The following PDS5B variants were observed in gnomAD, a reference collection of about 807,000 sequenced individuals.
PDS5B encodes the protein PDS5 cohesin associated factor B.
PDS5B carries 51 observed loss-of-function variants against 184.1 expected under a neutral mutation model. The ratio of observed to expected loss-of-function variants is 0.28; its 90% CI spans 0.22 to 0.35. The LOEUF (loss-of-function observed/expected upper bound fraction) is 0.35, where lower values mean the gene tolerates loss of function less well. Among genes scored for constraint, PDS5B ranks in the 10% least tolerant of loss-of-function variants. PDS5B has a pLI of 1.00. For missense variants in PDS5B, 1,180 were observed against 1,723.3 expected, an observed-to-expected ratio of 0.68 and a Z score of 5.58; for synonymous variants, 566 against 569.2, an observed-to-expected ratio of 0.99 and a Z score of 0.08.
Position 32,590,976 on chromosome 13 carries a change from A to T in PDS5B, c.-20+4383A>T, listed in dbSNP as rs191515627. On this transcript the variant is annotated intron_variant, in intron 1 of 34. Transcript: ENST00000315596. Reference sequence around the variant, plus strand: ...ACAGGTATATGGTAAAAAAAAAAAAAATTTAATGATAGAGTAAAAAATGTT... The same window carrying T: ...ACAGGTATATGGTAAAAAAAAAAAATATTTAATGATAGAGTAAAAAATGTT... Among the ~76,000 whole-genome samples, 594 of 151,982 alleles carry T rather than the reference A, an allele frequency of 3.9e-3. 4 individuals carry two copies. Among genetic ancestry groups the T allele is most frequent in the African/African-American group, 0.014 (566 of 41,440 alleles).
intron 6 of PDS5B, among the ~76,000 whole-genome samples, chr13:32,665,096 T>C (rs1950749273): frequency 6.6e-6 from 1 of 152,068 alleles, no homozygotes; most frequent in African/African-American, 2.4e-5. Flanking sequence ...AAGGCATCCT[T>C]ATGTAGAAGC....
At chr13:32,597,510 C>CA (rs1162737370) in intron 1 of PDS5B, among the ~76,000 whole-genome samples, 2 of 151,116 alleles carry the variant, frequency 1.3e-5, no homozygotes, top group African/African-American at 4.9e-5. Context: ...CTGGGTAACA[C>CA]AGAGAGATCC....
At chr13:32,744,808 A>G (rs1445546452) in intron 23 of PDS5B, among the ~76,000 whole-genome samples, 1 of 152,192 alleles carries the variant, frequency 6.6e-6, no homozygotes. Context: ...CATCCAGTCA[A>G]TATTTTTACA....
chr13:32,765,690 G>A (rs944324230), intron 31 of PDS5B, among the ~76,000 whole-genome samples: 10 of 152,154 alleles, frequency 6.6e-5, no homozygotes, highest in Non-Finnish European at 1.2e-4. Flanking sequence ...TGCAACCTCC[G>A]CTTCCCGGGT....
chr13:32,767,607 A>AT (rs1329316410), intron 31 of PDS5B, among the ~76,000 whole-genome samples: 1 of 152,168 alleles, frequency 6.6e-6, no homozygotes, highest in Non-Finnish European at 1.5e-5. Context: ...TGATTGACAG[A>AT]TTCATAGATT....
Position 32,648,384 on chromosome 13 carries a change from G to A in PDS5B, c.-19-370G>A, listed in dbSNP as rs546158165. ...GAGTATAAGTAGCTATAATGTCCCAGTGTTCCCACTTACTTCCCTGGATTC... is the reference window on the plus strand; with the variant it reads ...GAGTATAAGTAGCTATAATGTCCCAATGTTCCCACTTACTTCCCTGGATTC... On this transcript the variant is annotated intron_variant, in intron 1 of 34. Transcript: ENST00000315596. 3.3e-5 allele frequency among the ~76,000 whole-genome samples: 5 copies of A among 152,280 alleles called. No individual in the cohort carries two copies. The South Asian group carries it at 6.2e-4, about 19-fold the overall frequency.
rs1954956999 is a variant in PDS5B at position 32,776,346 on chromosome 13, C to G, written c.*1294C>G. ...TATCAGCTACTGTAGTTGTCACAGT[C>G]TTGTGAACTTTGAATGAAATTCCAC... On this transcript the variant is annotated 3_prime_UTR_variant, in exon 35 of 35. Coordinates refer to ENST00000315596, the MANE Select transcript of PDS5B (RefSeq NM_015032.4). 6.6e-6 allele frequency: 1 copy of G among 152,356 alleles called. No individual in the cohort carries two copies. Among genetic ancestry groups the G allele is most frequent in the African/African-American group, 2.4e-5 (1 of 41,402 alleles). The allele number at this position is 152,356 out of a possible 1,614,324, so 9.4% of individuals were successfully genotyped here.
intron 1 of PDS5B, among the ~76,000 whole-genome samples, chr13:32,623,484 TATC>T (rs2058329539): frequency 7.0e-6 from 1 of 142,964 alleles, no homozygotes; most frequent in Admixed American, 7.0e-5. Flanking sequence ...AAGGGACTAT[TATC>T]CTCCTTGCTT....
intron 19 of PDS5B, among the ~76,000 whole-genome samples, chr13:32,716,779 T>C (rs1593498333): frequency 8.9e-6 from 1 of 112,808 alleles, no homozygotes; most frequent in Non-Finnish European, 2.0e-5. Flanking sequence ...AGCCGCCCCG[T>C]CCGGGAGGGA....
At chr13:32,759,852 A>G (rs1054598084) in intron 29 of PDS5B, among the ~76,000 whole-genome samples, 162 bp downstream of exon 29, 25 of 152,224 alleles carry the variant, frequency 1.6e-4, no homozygotes, top group African/African-American at 5.8e-4. Flanking sequence ...AATTATATTT[A>G]CTAGATATAC....
chr13:32,610,333 T>A (rs1198937590), intron 1 of PDS5B, among the ~76,000 whole-genome samples: 1 of 152,240 alleles, frequency 6.6e-6, no homozygotes, highest in Non-Finnish European at 1.5e-5. Flanking sequence ...GTTCTAATTC[T>A]AATGATATTC....
At chr13:32,756,909 G>A (rs1003680354) in intron 26 of PDS5B, among the ~76,000 whole-genome samples, 1 of 151,996 alleles carries the variant, frequency 6.6e-6, no homozygotes, top group African/African-American at 2.4e-5. Flanking sequence ...GCTCACCTGA[G>A]GTCAGGAGTT....
chr13:32,647,859 T>C (rs996343919), intron 1 of PDS5B, among the ~76,000 whole-genome samples: 1 of 152,208 alleles, frequency 6.6e-6, no homozygotes, highest in African/African-American at 2.4e-5. Context: ...TTTGACTTGA[T>C]ACTTGCTCAT....
At chr13:32,649,455 A>G (rs963298763) in intron 2 of PDS5B, 4 of 152,222 alleles carry the variant, frequency 2.6e-5, no homozygotes, top group Admixed American at 6.5e-5. Flanking sequence ...ATGGATAAAG[A>G]AGCATAGTGT....
intron 21 of PDS5B, 151 bp downstream of exon 21, chr13:32,735,481 C>T: frequency 1.7e-6 from 1 of 576,728 alleles, no homozygotes; most frequent in East Asian, 2.9e-5. Flanking sequence ...GCCTTGTCTC[C>T]ATTATAAGCA....
At chr13:32,759,136 C>T (rs1206206117) in intron 28 of PDS5B, among the ~76,000 whole-genome samples, 2 of 152,138 alleles carry the variant, frequency 1.3e-5, no homozygotes, top group Non-Finnish European at 2.9e-5. Flanking sequence ...CCTCTTACTC[C>T]TTTATAATTT....
At position 32,777,620 on chromosome 13, in the gene PDS5B, A is replaced by G. The variant is rs1954993705; in HGVS notation, c.*2568A>G. The stretch of plus-strand genomic sequence containing the variant: ...TATTTAACTCCCTGTAACAAGTTCC[A>G]TTATGAAAATCTTATTCCTCAGTGA... On this transcript the variant is annotated 3_prime_UTR_variant, in exon 35 of 35. Transcript: ENST00000315596. The G allele has an allele frequency of 6.6e-6, 1 of 152,312 alleles. No individual in the cohort carries two copies. The allele number at this position is 152,312 out of a possible 1,614,324, so 9.4% of individuals were successfully genotyped here. A position where few individuals can be genotyped will look rare whatever the true frequency, so the allele number is the denominator to read the frequency against.
intron 1 of PDS5B, among the ~76,000 whole-genome samples, chr13:32,593,421 A>G (rs933916868): frequency 6.6e-6 from 1 of 152,116 alleles, no homozygotes; most frequent in African/African-American, 2.4e-5. Flanking sequence ...GCTCACTGCA[A>G]CCTCTGCCTC....
chr13:32,708,291 C>A (rs1952089630), intron 18 of PDS5B, among the ~76,000 whole-genome samples: 1 of 152,354 alleles, frequency 6.6e-6, no homozygotes, highest in Non-Finnish European at 1.5e-5. Context: ...CCCTTGAATT[C>A]TTTCCTTGGC....
Sources: gnomAD v4.1 joint callset for allele counts (sites outside exome capture counted in the v4.1 genomes callset) on GRCh38, gnomAD v4.1.1 for gene constraint, MANE v1.5 for transcripts, NCBI Gene and HGNC (gene_info 2026-07-23, HGNC 2026-07-21) for gene names.